The following FOXN3 variants were observed in gnomAD, a reference collection of about 807,000 sequenced individuals.
FOXN3 encodes the protein forkhead box protein N3.
A neutral mutation model predicts 38.4 loss-of-function variants in FOXN3; 7 were observed. The ratio of observed to expected loss-of-function variants is 0.18; its 90% CI spans 0.10 to 0.34. The LOEUF (loss-of-function observed/expected upper bound fraction) is 0.34, where lower values mean the gene tolerates loss of function less well. Ranked by LOEUF, FOXN3 falls within the 10% of genes least tolerant of loss-of-function variation. FOXN3 has a pLI of 1.00. For missense variants in FOXN3, 456 were observed against 613.4 expected (o/e 0.74, Z 2.71); for synonymous variants, 230 against 242.2 (o/e 0.95, Z 0.47).
At chr14:89,326,121 G>T (rs906534064) in intron 3 of FOXN3, among the ~76,000 whole-genome samples, 1 of 152,142 alleles carries the variant, frequency 6.6e-6, no homozygotes, top group African/African-American at 2.4e-5. Flanking sequence ...CAGCTACCAA[G>T]CGCCAGGCAC....
chr14:89,215,499 T>C (rs1313090926), intron 4 of FOXN3, among the ~76,000 whole-genome samples: 1 of 152,188 alleles, frequency 6.6e-6, no homozygotes, highest in Non-Finnish European at 1.5e-5. Flanking sequence ...ATTTAAAATG[T>C]CATTTCTAAA....
intron 1 of FOXN3, among the ~76,000 whole-genome samples, chr14:89,523,974 G>T (rs1894373078): frequency 6.6e-6 from 1 of 151,598 alleles, no homozygotes. Flanking sequence ...TGTTGGTGAG[G>T]CTGGTCTCGA....
intron 1 of FOXN3, among the ~76,000 whole-genome samples, chr14:89,541,054 C>T (rs1596312003): frequency 1.3e-5 from 2 of 152,028 alleles, no homozygotes; most frequent in South Asian, 2.1e-4. Context: ...AGATTCTTAC[C>T]GATTTTGATT....
intron 4 of FOXN3, among the ~76,000 whole-genome samples, chr14:89,204,731 C>T (rs1052278631): frequency 6.6e-6 from 1 of 152,192 alleles, no homozygotes; most frequent in Admixed American, 6.5e-5. Flanking sequence ...GATAATATAA[C>T]TGCCATTGCT....
intron 3 of FOXN3, among the ~76,000 whole-genome samples, chr14:89,342,100 G>A (rs917420627): frequency 9.2e-5 from 14 of 152,150 alleles, no homozygotes; most frequent in South Asian, 2.1e-4. Context: ...AACTTCTAAC[G>A]CTTTGGCTAT....
At chr14:89,531,108 TAC>T (rs968961311) in intron 1 of FOXN3, among the ~76,000 whole-genome samples, 42 of 148,484 alleles carry the variant, frequency 2.8e-4, no homozygotes, top group Admixed American at 8.8e-4. Flanking sequence ...ATATATAATA[TAC>T]ACACACACAT....
chr14:89,487,747 T>C (rs1053941331), intron 1 of FOXN3, among the ~76,000 whole-genome samples: 1 of 151,944 alleles, frequency 6.6e-6, no homozygotes, highest in Admixed American at 6.6e-5. Context: ...ATAAGACACA[T>C]ACACAAGCAA....
Position 89,412,458 on chromosome 14 carries a change from G to T in FOXN3, c.19C>A (p.Pro7Thr), listed in dbSNP as rs777712129. The T allele has an allele frequency of 3.1e-6, 5 of 1,608,462 alleles. No individual in the cohort carries two copies. The highest frequency in any genetic ancestry group is 4.3e-6 in the Non-Finnish European group (5 of 1,175,974). The change falls in exon 2 of 6, where the codon CCC (proline) becomes ACC (threonine). Residue 7 changes from proline to threonine, a missense_variant. By Grantham distance (38) the Pro-to-Thr change is conservative. Around this residue, in one of 3 missense-constraint regions of FOXN3, gnomAD observed 59 missense variants for 69.0 expected, o/e 0.85. Transcript: ENST00000557258. This position sits in a 1 kb window ranked among gnomAD's most constrained non-coding sequence, Gnocchi z 4.7. Reference sequence around the variant, plus strand: ...CCTGAGCTTTCTGGCTTCTTACTGGGAGGCATGACTGGACCCATTTACGTG... The same window carrying T: ...CCTGAGCTTTCTGGCTTCTTACTGGTAGGCATGACTGGACCCATTTACGTG... MGPVMP[P>T]SKKPESSGIS...
At chr14:89,247,285 C>T (rs1049220714) in intron 4 of FOXN3, among the ~76,000 whole-genome samples, 5 of 152,192 alleles carry the variant, frequency 3.3e-5, no homozygotes, top group African/African-American at 9.7e-5. Flanking sequence ...TCCCTCTCTT[C>T]TCCATCCCTA....
At chr14:89,554,260 A>G (rs1895067973) in intron 1 of FOXN3, among the ~76,000 whole-genome samples, 1 of 152,012 alleles carries the variant, frequency 6.6e-6, no homozygotes, top group Non-Finnish European at 1.5e-5. Context: ...TCGGCCTCCT[A>G]AAGTGCTGGG....
chr14:89,162,979 G>T lies in FOXN3; in HGVS notation c.852-10C>A. On this transcript the variant is annotated splice_polypyrimidine_tract_variant and intron_variant, in intron 5 of 5. Coordinates refer to ENST00000557258, the MANE Select transcript of FOXN3 (RefSeq NM_005197.4). The surrounding 1 kb of genome is among the most constrained non-coding windows in gnomAD (Gnocchi z 7.2). ...GCTGGTGATGCCATTCCTGCAGAGC[G>T]AGGACAGTGGGGAGGGACGGGAGAC... The T allele has an allele frequency of 6.5e-7, 1 of 1,540,414 alleles. No individual in the cohort carries two copies. Among genetic ancestry groups the T allele is most frequent in the Non-Finnish European group, 8.8e-7 (1 of 1,141,186 alleles).
chr14:89,521,704 T>C (rs1321255839), intron 1 of FOXN3, among the ~76,000 whole-genome samples: 1 of 152,066 alleles, frequency 6.6e-6, no homozygotes, highest in Admixed American at 6.5e-5. Flanking sequence ...AACCATACCT[T>C]ATAATATCAT....
intron 2 of FOXN3, among the ~76,000 whole-genome samples, chr14:89,382,363 A>C (rs1416761780): frequency 6.6e-6 from 1 of 152,068 alleles, no homozygotes; most frequent in East Asian, 1.9e-4. Flanking sequence ...CAAGCCTTCA[A>C]ATGTTCCCCA....
intron 3 of FOXN3, among the ~76,000 whole-genome samples, chr14:89,345,204 G>C (rs1475601617): frequency 1.3e-5 from 2 of 152,100 alleles, no homozygotes; most frequent in Non-Finnish European, 2.9e-5. Flanking sequence ...ATCTTCCAGA[G>C]AATGAGGCAA....
chr14:89,536,115 C>T (rs1024508564), intron 1 of FOXN3, among the ~76,000 whole-genome samples: 4 of 152,108 alleles, frequency 2.6e-5, no homozygotes, highest in South Asian at 4.1e-4. Context: ...ATAAAGCCAC[C>T]GGCAAGATGT....
chr14:89,270,243 A>G (rs556576383), intron 4 of FOXN3, among the ~76,000 whole-genome samples: 4 of 152,338 alleles, frequency 2.6e-5, no homozygotes, highest in Middle Eastern at 3.4e-3. Flanking sequence ...GGAGCTTCAG[A>G]GAGACTGAAA....
chr14:89,342,403 C>G (rs1205679979), intron 3 of FOXN3, among the ~76,000 whole-genome samples: 2 of 152,150 alleles, frequency 1.3e-5, no homozygotes, highest in East Asian at 3.9e-4. Context: ...GTATAATGAA[C>G]AGCATACCGA....
At chr14:89,529,369 T>C (rs1359021075) in intron 1 of FOXN3, among the ~76,000 whole-genome samples, 1 of 152,232 alleles carries the variant, frequency 6.6e-6, no homozygotes, top group Non-Finnish European at 1.5e-5. Flanking sequence ...AACAGAAGTA[T>C]AAAAACATTT....
At chr14:89,202,280 C>A (rs1888255125) in intron 4 of FOXN3, among the ~76,000 whole-genome samples, 1 of 152,210 alleles carries the variant, frequency 6.6e-6, no homozygotes, top group South Asian at 2.1e-4. Context: ...CACCTGACAC[C>A]TGCCTCTCAT....
Sources: allele counts gnomAD v4.1 joint callset (sites outside exome capture counted in the v4.1 genomes callset), GRCh38; gene constraint gnomAD v4.1.1; regional missense constraint gnomAD v4.1.1; non-coding constraint Gnocchi (gnomAD v3.1); transcripts MANE v1.5; gene names NCBI Gene and HGNC (gene_info 2026-07-23, HGNC 2026-07-21).